The following BBOX1 variants were observed in gnomAD, a reference collection of about 807,000 sequenced individuals.
BBOX1 encodes the protein gamma-butyrobetaine hydroxylase 1.
Under a neutral mutation model 41.6 loss-of-function variants are expected in BBOX1, and 35 were observed. That is an observed-to-expected ratio of 0.84 (90% CI 0.64 to 1.11). The LOEUF is 1.11. BBOX1 is among the 50% of genes most tolerant of loss of function. The probability of loss-of-function intolerance (pLI) is 0.00; values close to 1 mark genes in which losing one functional copy is unlikely to be tolerated. For synonymous variants in BBOX1, 163 were observed against 154.7 expected (o/e 1.05, Z -0.40); for missense variants, 458 against 460.6 (o/e 0.99, Z 0.05).
rs773627356 is a variant in BBOX1 at position 27,123,165 on chromosome 11, G to A, written c.837-2489G>A. On this transcript the variant is annotated intron_variant, in intron 7 of 8. Coordinates refer to ENST00000263182, the MANE Select transcript of BBOX1 (RefSeq NM_003986.3). ...ATGCTAAATAATACATTTGTGTCTT[G>A]TTTTCTCAGATAAACAGTAGGTAAA... Among the ~76,000 whole-genome samples the A allele has an allele frequency of 6.6e-5, 10 of 152,034 alleles. No homozygotes were observed. In the South Asian group the frequency reaches 1.9e-3, roughly 28 times the overall value.
At chr11:27,105,025 A>G (rs1858812442) in intron 5 of BBOX1, among the ~76,000 whole-genome samples, 1 of 152,224 alleles carries the variant, frequency 6.6e-6, no homozygotes, top group African/African-American at 2.4e-5. Flanking sequence ...CCTGCAGCTG[A>G]GAGTCCTGAC....
intron 4 of BBOX1, among the ~76,000 whole-genome samples, chr11:27,074,959 T>C (rs1294830733): frequency 2.0e-5 from 3 of 152,188 alleles, no homozygotes; most frequent in Admixed American, 6.5e-5. Flanking sequence ...TCTAGGTACA[T>C]GGTGCAAGCT....
intron 4 of BBOX1, among the ~76,000 whole-genome samples, chr11:27,073,723 T>C (rs1352427565): frequency 3.9e-5 from 6 of 152,132 alleles, no homozygotes; most frequent in Admixed American, 3.9e-4. Context: ...CATGGAATAC[T>C]ATGCAGCCAT....
intron 4 of BBOX1, among the ~76,000 whole-genome samples, chr11:27,092,814 G>A (rs935147798): frequency 5.9e-5 from 9 of 151,934 alleles, no homozygotes; most frequent in African/African-American, 1.7e-4. Flanking sequence ...TAACTTGGCT[G>A]TTAACACATA....
chr11:27,103,087 G>A (rs373138414), intron 5 of BBOX1, among the ~76,000 whole-genome samples: 8 of 152,192 alleles, frequency 5.3e-5, no homozygotes, highest in African/African-American at 1.9e-4. Context: ...CTACTTGGGA[G>A]GCCGAGGCAG....
chr11:27,082,946 T>A (rs1355035173), intron 4 of BBOX1, among the ~76,000 whole-genome samples: 1 of 152,094 alleles, frequency 6.6e-6, no homozygotes, highest in Non-Finnish European at 1.5e-5. Flanking sequence ...AGCTAGATGG[T>A]CATTCTGGTC....
At chr11:27,065,301 T>A (rs564509129) in intron 4 of BBOX1, among the ~76,000 whole-genome samples, 15 of 152,344 alleles carry the variant, frequency 9.8e-5, no homozygotes, top group Admixed American at 5.9e-4. Flanking sequence ...CTCAAATGCA[T>A]GTCAATTTAT....
chr11:27,115,309 T>G, intron 5 of BBOX1, 143 bp from the exon 6 acceptor site: 2 of 615,084 alleles, frequency 3.3e-6, no homozygotes, highest in Middle Eastern at 6.4e-4. Flanking sequence ...AAGGTCAGAT[T>G]CCTTGTCTCA....
chr11:27,107,875 C>T (rs529477574), intron 5 of BBOX1, among the ~76,000 whole-genome samples: 1 of 152,170 alleles, frequency 6.6e-6, no homozygotes, highest in African/African-American at 2.4e-5. Flanking sequence ...TAAGTAAGAA[C>T]TTAGTGTCCT....
At chr11:27,117,520 A>G (rs959934325) in intron 6 of BBOX1, among the ~76,000 whole-genome samples, 2 of 151,952 alleles carry the variant, frequency 1.3e-5, no homozygotes, top group African/African-American at 4.8e-5. Context: ...CTAAAACCCT[A>G]GAGTTAAGAG....
At chr11:27,081,872 T>C (rs1427587126) in intron 4 of BBOX1, among the ~76,000 whole-genome samples, 1 of 152,206 alleles carries the variant, frequency 6.6e-6, no homozygotes, top group Non-Finnish European at 1.5e-5. Context: ...AAGTGTCTGT[T>C]CATATCCTTT....
At chr11:27,103,136 T>C (rs1421445637) in intron 5 of BBOX1, among the ~76,000 whole-genome samples, 6 of 152,074 alleles carry the variant, frequency 3.9e-5, no homozygotes, top group Non-Finnish European at 8.8e-5. Flanking sequence ...GTTGCAGTGA[T>C]CATGCCACTG....
chr11:27,123,290 T>C (rs1859530703), intron 7 of BBOX1, among the ~76,000 whole-genome samples: 1 of 152,116 alleles, frequency 6.6e-6, no homozygotes, highest in Non-Finnish European at 1.5e-5. Flanking sequence ...TAGTATACCA[T>C]GAGGCATCCA....
intron 6 of BBOX1, among the ~76,000 whole-genome samples, chr11:27,118,631 G>C (rs999065615): frequency 6.6e-6 from 1 of 151,750 alleles, no homozygotes; most frequent in African/African-American, 2.4e-5. Flanking sequence ...AGTAAAATTG[G>C]GTTTTATACA....
chr11:27,116,614 T>C (rs1453343533), intron 6 of BBOX1, among the ~76,000 whole-genome samples: 1 of 151,958 alleles, frequency 6.6e-6, no homozygotes, highest in Non-Finnish European at 1.5e-5. Context: ...GGTTGCTAAG[T>C]TGGCTTGGGA....
chr11:27,074,362 C>A (rs1857566806), intron 4 of BBOX1, among the ~76,000 whole-genome samples: 1 of 151,872 alleles, frequency 6.6e-6, no homozygotes, highest in South Asian at 2.1e-4. Flanking sequence ...TGGAAACAAG[C>A]AGAAGTTGGA....
At chr11:27,088,995 A>T (rs539011149) in intron 4 of BBOX1, among the ~76,000 whole-genome samples, 1 of 152,074 alleles carries the variant, frequency 6.6e-6, no homozygotes, top group East Asian at 1.9e-4. Context: ...ACATGGTCAT[A>T]AAAGATCTGC....
chr11:27,118,474 C>T (rs140057813), intron 6 of BBOX1, among the ~76,000 whole-genome samples: 9 of 151,890 alleles, frequency 5.9e-5, no homozygotes, highest in Admixed American at 1.3e-4. Context: ...TCAGTTTGAT[C>T]GATTTGGATT....
chr11:27,064,793 G>A (rs1004903270), intron 4 of BBOX1, among the ~76,000 whole-genome samples: 1 of 152,052 alleles, frequency 6.6e-6, no homozygotes, highest in Admixed American at 6.6e-5. Flanking sequence ...AAATCATAGG[G>A]GGTCAAAGCC....
Sources: allele counts gnomAD v4.1 joint callset (sites outside exome capture counted in the v4.1 genomes callset), GRCh38; gene constraint gnomAD v4.1.1; transcripts MANE v1.5; gene names NCBI Gene and HGNC (gene_info 2026-07-23, HGNC 2026-07-21).